The following ITPR2 variants were observed in gnomAD, a reference collection of about 807,000 sequenced individuals.
ITPR2 encodes the protein inositol 1,4,5-trisphosphate receptor type 2.
Under a neutral mutation model 317.1 loss-of-function variants are expected in ITPR2, and 207 were observed. The observed-to-expected ratio is 0.65, with a 90% confidence interval of 0.58 to 0.73. The LOEUF is 0.73. ITPR2 is among the 30% of genes least tolerant of loss of function. The pLI is 0.00. For synonymous variants in ITPR2, 1,156 were observed against 1,149.1 expected (o/e 1.01, Z -0.12); for missense variants, 2,613 against 3,284.0 (o/e 0.80, Z 4.99).
chr12:26,446,660 C>A (rs927389418), intron 45 of ITPR2, among the ~76,000 whole-genome samples: 1 of 147,852 alleles, frequency 6.8e-6, no homozygotes, highest in African/African-American at 2.5e-5. Context: ...CTTTCTCCCT[C>A]CCATTGACTT....
At chr12:26,620,746 T>C (rs1367221990) in intron 26 of ITPR2, among the ~76,000 whole-genome samples, 1 of 148,134 alleles carries the variant, frequency 6.8e-6, no homozygotes, top group Non-Finnish European at 1.5e-5. Context: ...AATGAATTAC[T>C]GCTTGGCAAA....
chr12:26,398,643 G>A (rs1160945061), intron 54 of ITPR2, among the ~76,000 whole-genome samples: 1 of 152,184 alleles, frequency 6.6e-6, no homozygotes, highest in Admixed American at 6.5e-5. Context: ...TCTATAGTCA[G>A]AGAATCATGT....
At chr12:26,479,161 T>A (rs1942489579) in intron 43 of ITPR2, among the ~76,000 whole-genome samples, 1 of 145,936 alleles carries the variant, frequency 6.9e-6, no homozygotes, top group Non-Finnish European at 1.5e-5. Flanking sequence ...AAAAAAAAAC[T>A]ATACTTTAAA....
chr12:26,706,137 A>G (rs1671916585), intron 9 of ITPR2, among the ~76,000 whole-genome samples: 1 of 152,178 alleles, frequency 6.6e-6, no homozygotes, highest in African/African-American at 2.4e-5. Context: ...GGAAATGTGC[A>G]TTATTTCGTG....
intron 45 of ITPR2, among the ~76,000 whole-genome samples, chr12:26,452,842 G>A (rs1941773206): frequency 6.6e-6 from 1 of 152,028 alleles, no homozygotes; most frequent in South Asian, 2.1e-4. Context: ...CCAGCCACTA[G>A]ATAAATCTCT....
intron 54 of ITPR2, among the ~76,000 whole-genome samples, chr12:26,390,138 A>T (rs891801933): frequency 6.6e-5 from 10 of 152,244 alleles, no homozygotes; most frequent in African/African-American, 2.4e-4. Flanking sequence ...AGAAATTAGA[A>T]TCCTCATGCA....
intron 45 of ITPR2, among the ~76,000 whole-genome samples, chr12:26,455,977 A>T (rs1008149304): frequency 6.6e-6 from 1 of 152,236 alleles, no homozygotes; most frequent in Non-Finnish European, 1.5e-5. Flanking sequence ...CTAAGACAGA[A>T]TTCTCCTATG....
At chr12:26,755,093 G>A (rs1182165944) in intron 2 of ITPR2, among the ~76,000 whole-genome samples, 1 of 152,066 alleles carries the variant, frequency 6.6e-6, no homozygotes, top group Non-Finnish European at 1.5e-5. Flanking sequence ...CAAAATTATG[G>A]GAAACTCCTA....
intron 1 of ITPR2, among the ~76,000 whole-genome samples, chr12:26,811,890 G>A (rs539845398): frequency 3.5e-5 from 5 of 144,882 alleles, no homozygotes; most frequent in Admixed American, 7.1e-5. Context: ...AGGGCCGGGC[G>A]TGGTGGCTCA....
rs73087271 is a variant in ITPR2 at position 26,563,061 on chromosome 12, T to A, written c.4631-1109A>T. ...ACGGATTAAAAAAAATAATAACAGC[T>A]GAAGAGCTGGGAAGCTAAGGCCCTC... On this transcript the variant is annotated intron_variant, in intron 34 of 56. Transcript: ENST00000381340. Among the ~76,000 whole-genome samples the A allele has an allele frequency of 1.8e-3, 268 of 152,084 alleles. 1 individual carries two copies. The highest frequency in any genetic ancestry group is 0.01 in the Middle Eastern group (3 of 294).
chr12:26,426,661 T>A (rs149334480), intron 49 of ITPR2, among the ~76,000 whole-genome samples: 109 of 152,248 alleles, frequency 7.2e-4, no homozygotes, highest in Non-Finnish European at 1.2e-3. Flanking sequence ...GTTGCCTGAA[T>A]GTTCTAGCTA....
In ITPR2 at chr12:26,673,294, A is replaced by G. The variant is rs1486665293; in HGVS notation, c.1410-7243T>C. 2.6e-5 allele frequency among the ~76,000 whole-genome samples: 4 copies of G among 152,134 alleles called. No individual in the cohort carries two copies. The East Asian group carries it at 5.8e-4, about 22-fold the overall frequency. On this transcript the variant is annotated intron_variant, in intron 13 of 56. Transcript: ENST00000381340. ...GATGAACATTGATGCAAAAATCCTC[A>G]ATAAAATACTGGCAAACCAAATCCA...
chr12:26,395,484 T>C (rs938803810), intron 54 of ITPR2, among the ~76,000 whole-genome samples: 2 of 152,152 alleles, frequency 1.3e-5, no homozygotes, highest in African/African-American at 2.4e-5. Flanking sequence ...GGTTAAAATA[T>C]AGGAGACAAT....
chr12:26,513,158 T>A (rs1353461042), intron 37 of ITPR2, among the ~76,000 whole-genome samples: 1 of 152,048 alleles, frequency 6.6e-6, no homozygotes, highest in Non-Finnish European at 1.5e-5. Flanking sequence ...AATTTTTAAC[T>A]CTAAAGCATA....
chr12:26,344,919 C>T (rs368544996), intron 55 of ITPR2, among the ~76,000 whole-genome samples: 1 of 152,088 alleles, frequency 6.6e-6, no homozygotes, highest in East Asian at 1.9e-4. Flanking sequence ...TCTTCCAACC[C>T]TCTTCTGGTT....
chr12:26,497,857 C>T (rs142526178), intron 37 of ITPR2, among the ~76,000 whole-genome samples: 57 of 152,078 alleles, frequency 3.7e-4, no homozygotes, highest in South Asian at 1.0e-3. Context: ...ATTACAGGCA[C>T]ACACCACCAC....
chr12:26,583,261 T>A (rs1945445714), intron 32 of ITPR2, among the ~76,000 whole-genome samples: 1 of 152,190 alleles, frequency 6.6e-6, no homozygotes. Context: ...CTCTTTTTCA[T>A]GGAATCATTT....
At chr12:26,816,511 C>T (rs1950855200) in intron 1 of ITPR2, among the ~76,000 whole-genome samples, 1 of 152,138 alleles carries the variant, frequency 6.6e-6, no homozygotes, top group Admixed American at 6.5e-5. Context: ...TTTTTCATTC[C>T]CTCAACATAC....
chr12:26,506,308 C>T (rs7969200), intron 37 of ITPR2, among the ~76,000 whole-genome samples: 79,545 of 150,906 alleles, frequency 0.53, 21,706 homozygotes, highest in South Asian at 0.65. Flanking sequence ...CAGGAGTTTA[C>T]GACTGGCCTG....
Sources: gnomAD v4.1 joint callset for allele counts (sites outside exome capture counted in the v4.1 genomes callset) on GRCh38, gnomAD v4.1.1 for gene constraint, MANE v1.5 for transcripts, NCBI Gene and HGNC (gene_info 2026-07-23, HGNC 2026-07-21) for gene names.